The following STK32B variants were observed in gnomAD, a reference collection of about 807,000 sequenced individuals.
STK32B encodes the protein serine/threonine kinase 32B.
STK32B carries 43 observed loss-of-function variants against 52.6 expected under a neutral mutation model. The ratio of observed to expected loss-of-function variants is 0.82; its 90% CI spans 0.64 to 1.05. The LOEUF (loss-of-function observed/expected upper bound fraction) is 1.05, where lower values mean the gene tolerates loss of function less well. Ranked by LOEUF, STK32B falls within the 50% of genes least tolerant of loss-of-function variation. The probability of loss-of-function intolerance (pLI) is 0.00; values close to 1 mark genes in which losing one functional copy is unlikely to be tolerated. For missense variants in STK32B, 621 were observed against 534.6 expected, an observed-to-expected ratio of 1.16 and a Z score of -1.59; for synonymous variants, 238 against 204.3, an observed-to-expected ratio of 1.17 and a Z score of -1.41.
intron 4 of STK32B, among the ~76,000 whole-genome samples, chr4:5,351,779 C>G (rs1344534510): frequency 6.6e-6 from 1 of 151,870 alleles, no homozygotes; most frequent in East Asian, 1.9e-4. Context: ...GACATTACAA[C>G]TGATAACACA....
At chr4:5,032,759 G>A in the STK32B span, among the ~76,000 whole-genome samples, 17,297 of 152,080 alleles carry the variant, frequency 0.11, 1,161 homozygotes, top group Middle Eastern at 0.21. Flanking sequence ...ATCTTCCCAA[G>A]CTGAAACTCT....
chr4:5,087,008 C>T (rs1358533968), intron 1 of STK32B, among the ~76,000 whole-genome samples: 2 of 152,036 alleles, frequency 1.3e-5, no homozygotes, highest in African/African-American at 4.8e-5. Context: ...ATTAAGAACA[C>T]CAGTAAAGTT....
intron 3 of STK32B, among the ~76,000 whole-genome samples, chr4:5,330,701 GA>G (rs1423393416): frequency 2.0e-5 from 3 of 152,176 alleles, no homozygotes; most frequent in Middle Eastern, 3.2e-3. Context: ...TGGGTTCCAA[GA>G]GGCAAAAATT....
At position 5,438,485 on chromosome 4, in the gene STK32B, C is replaced by T. The variant is rs372219632; in HGVS notation, c.563-8188C>T. ...ATTTGGAGACTGATCGTTCATGAGG[C>T]TGAGGAGGATGGCATTTAGGAGGGT... is the stretch of plus-strand genomic sequence containing the variant. On this transcript the variant is annotated intron_variant, in intron 6 of 11. Transcript: ENST00000282908. Among the ~76,000 whole-genome samples the T allele has an allele frequency of 5.3e-4, 81 of 152,294 alleles. 5 individuals carry two copies. The South Asian group carries it at 0.011, about 20-fold the overall frequency.
chr4:5,367,357 A>T (rs1415724293), intron 4 of STK32B, among the ~76,000 whole-genome samples: 9 of 152,158 alleles, frequency 5.9e-5, no homozygotes, highest in Admixed American at 5.9e-4. Flanking sequence ...CAAAAGGGTG[A>T]ACGTGACGGG....
chr4:5,293,097 C>T lies in STK32B; in HGVS notation c.261-38123C>T, dbSNP rs997130197. Among the ~76,000 whole-genome samples the T allele has an allele frequency of 4.6e-5, 7 of 152,050 alleles. 1 individual carries two copies. Among genetic ancestry groups the T allele is most frequent in the Non-Finnish European group, 7.4e-5 (5 of 67,998 alleles). On this transcript the variant is annotated intron_variant, in intron 3 of 11. Coordinates refer to ENST00000282908, the MANE Select transcript of STK32B (RefSeq NM_018401.3). ...GAGAATGATAGTTTCCAGCTTCATC[C>T]GTGTCCCTGCAAAAGACATTAACTC...
At chr4:5,439,560 T>C (rs1560412569) in intron 6 of STK32B, among the ~76,000 whole-genome samples, 1 of 151,494 alleles carries the variant, frequency 6.6e-6, no homozygotes, top group Non-Finnish European at 1.5e-5. Context: ...GGTTGCCTGT[T>C]CACTCTGATG....
chr4:5,264,703 C>T lies in STK32B; in HGVS notation c.261-66517C>T, dbSNP rs1726948618. On this transcript the variant is annotated intron_variant, in intron 3 of 11. Coordinates refer to ENST00000282908, the MANE Select transcript of STK32B (RefSeq NM_018401.3). Reference sequence around the variant, plus strand: ...TCGGGAGGCTGAGGCAGGAGAATGGCGTGAACCCAGGAGGCGGAGCTTGCA... The same window carrying T: ...TCGGGAGGCTGAGGCAGGAGAATGGTGTGAACCCAGGAGGCGGAGCTTGCA... Among the ~76,000 whole-genome samples the T allele has an allele frequency of 2.6e-5, 4 of 152,102 alleles. 1 individual carries two copies. In the South Asian group the frequency reaches 6.2e-4, roughly 24 times the overall value.
intron 11 of STK32B, among the ~76,000 whole-genome samples, chr4:5,492,787 G>A (rs868145069): frequency 2.0e-5 from 3 of 151,238 alleles, no homozygotes; most frequent in African/African-American, 2.5e-5. Flanking sequence ...TAGCATGAAG[G>A]GTTGTTGAAT....
At chr4:5,218,249 G>A (rs761713896) in intron 3 of STK32B, among the ~76,000 whole-genome samples, 17 of 152,094 alleles carry the variant, frequency 1.1e-4, no homozygotes, top group African/African-American at 2.7e-4. Flanking sequence ...AGAATCTTGC[G>A]GCCATCTTTC....
chr4:5,151,954 A>ACCATATG (rs892195155), intron 2 of STK32B, among the ~76,000 whole-genome samples: 1 of 152,118 alleles, frequency 6.6e-6, no homozygotes, highest in Non-Finnish European at 1.5e-5. Context: ...ACTTGAGATG[A>ACCATATG]CCATATGATG....
At chr4:5,308,305 C>G (rs1428802883) in intron 3 of STK32B, among the ~76,000 whole-genome samples, 1 of 152,124 alleles carries the variant, frequency 6.6e-6, no homozygotes, top group East Asian at 1.9e-4. Flanking sequence ...GTATGTTCCT[C>G]CAGTAGTTCT....
At chr4:5,437,904 T>C in intron 6 of STK32B, 1 of 985,248 alleles carries the variant, frequency 1.0e-6, no homozygotes, top group African/African-American at 1.7e-5. Context: ...GATTATGATA[T>C]CAATATTGTT....
intron 3 of STK32B, among the ~76,000 whole-genome samples, chr4:5,318,896 T>C (rs1394459809): frequency 6.6e-6 from 1 of 151,534 alleles, no homozygotes; most frequent in Non-Finnish European, 1.5e-5. Context: ...GCCCCCTGGG[T>C]TTATGCCATT....
chr4:5,253,574 C>T (rs1726092077), intron 3 of STK32B, among the ~76,000 whole-genome samples: 1 of 152,086 alleles, frequency 6.6e-6, no homozygotes, highest in African/African-American at 2.4e-5. Context: ...TGAGGTTTCA[C>T]CATGTTGGAC....
At position 5,068,825 on chromosome 4, in the gene STK32B, C is replaced by T. The variant is rs567642960; in HGVS notation, c.52+16910C>T. Among the ~76,000 whole-genome samples, 18 of 152,182 alleles carry T rather than the reference C, an allele frequency of 1.2e-4. No homozygotes were observed. The South Asian group carries it at 1.4e-3, about 12-fold the overall frequency. On this transcript the variant is annotated intron_variant, in intron 1 of 11. Transcript: ENST00000282908. ...AAATGAGATAAAATAAAAATTAAGA[C>T]GGATGCAAAACAATGATATTCAGTG... is the stretch of plus-strand genomic sequence containing the variant.
At chr4:5,113,703 C>A (rs568274041) in intron 1 of STK32B, among the ~76,000 whole-genome samples, 1 of 152,182 alleles carries the variant, frequency 6.6e-6, no homozygotes, top group Non-Finnish European at 1.5e-5. Flanking sequence ...GCCTCCGCAG[C>A]CCCTCATGGT....
At chr4:5,153,319 G>A (rs1037582938) in intron 2 of STK32B, among the ~76,000 whole-genome samples, 1 of 152,158 alleles carries the variant, frequency 6.6e-6, no homozygotes. Flanking sequence ...GACCAATCAT[G>A]TGGCTCCTGC....
chr4:5,357,042 TATATACACACACACATATATACACAC>T (rs1298947988), intron 4 of STK32B, among the ~76,000 whole-genome samples: 9 of 141,774 alleles, frequency 6.3e-5, no homozygotes, highest in Non-Finnish European at 1.5e-5. Context: ...CACACACACA[TATATACACACACACATATATACACAC>T]ATATACACAC....
Sources: gnomAD v4.1 joint callset for allele counts (sites outside exome capture counted in the v4.1 genomes callset) on GRCh38, gnomAD v4.1.1 for gene constraint, MANE v1.5 for transcripts, NCBI Gene and HGNC (gene_info 2026-07-23, HGNC 2026-07-21) for gene names.